Variants in OR11A1 observed in about 807,000 individuals in gnomAD.
OR11A1 encodes olfactory receptor family 11 subfamily A member 1.
For missense variants in OR11A1, 380 were observed against 378.2 expected (o/e 1.00, Z -0.04); for synonymous variants, 158 against 152.2 (o/e 1.04, Z -0.28).
intron 1 of OR11A1, among the ~76,000 whole-genome samples, chr6:29,456,194 T>C (rs7745913): frequency 0.036 from 5,244 of 147,642 alleles, 212 homozygotes; most frequent in African/African-American, 0.11. Flanking sequence ...CACACCACTG[T>C]ACTCCAGCCT....
chr6:29,454,341 C>T (rs186773069), intron 1 of OR11A1, among the ~76,000 whole-genome samples: 4 of 152,136 alleles, frequency 2.6e-5, no homozygotes, highest in African/African-American at 4.8e-5. Context: ...ATCATCCAAT[C>T]AGCTGGGGCC....
At chr6:29,445,701 G>T (rs774224256) in intron 1 of OR11A1, among the ~76,000 whole-genome samples, 1 of 152,188 alleles carries the variant, frequency 6.6e-6, no homozygotes, top group Non-Finnish European at 1.5e-5. Flanking sequence ...AGCCTAGCAC[G>T]TGGGGATCTT....
intron 1 of OR11A1, chr6:29,450,137 A>G (rs2151398393): frequency 6.6e-6 from 1 of 152,322 alleles, no homozygotes; most frequent in East Asian, 1.9e-4. Flanking sequence ...AAGACCCTAG[A>G]AGAGGAAAAA....
At chr6:29,446,209 T>G (rs1784757663) in intron 1 of OR11A1, among the ~76,000 whole-genome samples, 1 of 152,178 alleles carries the variant, frequency 6.6e-6, no homozygotes, top group Admixed American at 6.5e-5. Flanking sequence ...GCTGGCAATC[T>G]GGTCAACTTC....
At chr6:29,447,717 A>T (rs911011701) in intron 1 of OR11A1, among the ~76,000 whole-genome samples, 2 of 152,238 alleles carry the variant, frequency 1.3e-5, no homozygotes, top group Non-Finnish European at 2.9e-5. Flanking sequence ...TGTATTATCC[A>T]AAGAGAGGAC....
intron 1 of OR11A1, chr6:29,440,341 C>T: frequency 6.2e-7 from 1 of 1,614,088 alleles, no homozygotes; most frequent in Non-Finnish European, 8.5e-7. Flanking sequence ...TTTGGCGCCA[C>T]GGAGTGCTGC....
At chr6:29,452,343 A>G (rs965497735) in intron 1 of OR11A1, among the ~76,000 whole-genome samples, 6 of 152,100 alleles carry the variant, frequency 3.9e-5, no homozygotes, top group Admixed American at 2.6e-4. Flanking sequence ...AAATTAGGGG[A>G]AAAAAAGGAG....
intron 3 of OR11A1, 53 bp from the exon 4 acceptor site, chr6:29,429,013 T>A (rs1321320190): frequency 3.2e-6 from 2 of 615,574 alleles, no homozygotes; most frequent in African/African-American, 4.0e-5. Context: ...TTGAGAAAGG[T>A]AGAGAAAAAA....
intron 1 of OR11A1, among the ~76,000 whole-genome samples, chr6:29,436,560 AC>A (rs1177571626): frequency 6.6e-6 from 1 of 152,204 alleles, no homozygotes. Flanking sequence ...CAAAAATGTG[AC>A]CAAAAACTCA....
At chr6:29,455,773 G>T in intron 1 of OR11A1, among the ~76,000 whole-genome samples, 1 of 151,606 alleles carries the variant, frequency 6.6e-6, no homozygotes. Context: ...CTACTTGGGA[G>T]GCTGGGGCAG....
At chr6:29,440,324 C>T in intron 1 of OR11A1, 6 of 1,614,114 alleles carry the variant, frequency 3.7e-6, no homozygotes, top group Non-Finnish European at 5.1e-6. Context: ...TGTTCTTCTT[C>T]CTCTTCTTTG....
At chr6:29,440,751 A>T (rs2074464) in intron 1 of OR11A1, 37,034 of 1,613,746 alleles carry the variant, frequency 0.023, 1,173 homozygotes, top group African/African-American at 0.12. Flanking sequence ...CCACCTGATC[A>T]TGGTCTCCCT....
intron 1 of OR11A1, among the ~76,000 whole-genome samples, chr6:29,447,503 G>A (rs911060700): frequency 2.0e-5 from 3 of 152,182 alleles, no homozygotes; most frequent in African/African-American, 7.2e-5. Flanking sequence ...GAATGAATTT[G>A]AACGAGTGGT....
chr6:29,446,132 C>G lies in OR11A1; in HGVS notation c.-389+10855G>C, dbSNP rs377678965. Among the ~76,000 whole-genome samples, 77 of 152,232 alleles carry G rather than the reference C, an allele frequency of 5.1e-4. 1 individual carries two copies. The highest frequency in any genetic ancestry group is 1.7e-3 in the African/African-American group (70 of 41,538). On this transcript the variant is annotated intron_variant, in intron 1 of 4. Coordinates refer to ENST00000377149, the MANE Select transcript of OR11A1 (RefSeq NM_001394828.1). ...CAACTTTTTTTTTCTTTTGGCTAAC[C>G]CTTTACACTTCTTTCAAGTCTGCGA... is the stretch of plus-strand genomic sequence containing the variant.
intron 1 of OR11A1, among the ~76,000 whole-genome samples, chr6:29,438,829 G>C (rs1001466790): frequency 2.0e-5 from 3 of 150,976 alleles, no homozygotes; most frequent in Non-Finnish European, 4.4e-5. Context: ...AGATAAAAAA[G>C]AAGATAAGCA....
At chr6:29,438,996 G>C (rs547423416) in intron 1 of OR11A1, among the ~76,000 whole-genome samples, 59 of 152,290 alleles carry the variant, frequency 3.9e-4, no homozygotes, top group African/African-American at 1.4e-3. Flanking sequence ...GTGTGGACTT[G>C]TATTTCTAAT....
intron 1 of OR11A1, among the ~76,000 whole-genome samples, chr6:29,446,199 G>C (rs16894927): frequency 0.099 from 15,096 of 151,994 alleles, 1,372 homozygotes; most frequent in African/African-American, 0.24. Flanking sequence ...TCTACATAGT[G>C]CTGGCAATCT....
chr6:29,428,887 A>C, intron 4 of OR11A1, 26 bp downstream of exon 4: 3 of 910,536 alleles, frequency 3.3e-6, no homozygotes, highest in Non-Finnish European at 3.9e-6. Flanking sequence ...GACACTTCTA[A>C]ATATCTGAAA....
chr6:29,440,110 C>T, intron 1 of OR11A1: 1 of 1,613,370 alleles, frequency 6.2e-7, no homozygotes, highest in Non-Finnish European at 8.5e-7. Flanking sequence ...GTCTTTCTCA[C>T]TATCTACCTG....
Sources: gnomAD v4.1 joint callset for allele counts (sites outside exome capture counted in the v4.1 genomes callset) on GRCh38, gnomAD v4.1.1 for gene constraint, MANE v1.5 for transcripts, NCBI Gene and HGNC (gene_info 2026-07-23, HGNC 2026-07-21) for gene names.